Variants in FOCAD observed in about 807,000 individuals in gnomAD.
The protein encoded by FOCAD is KIAA1797.
A neutral mutation model predicts 225.6 loss-of-function variants in FOCAD; 198 were observed. The ratio of observed to expected loss-of-function variants is 0.88; its 90% CI spans 0.78 to 0.99. The LOEUF is 0.99. Among genes scored for constraint, FOCAD ranks in the 50% least tolerant of loss-of-function variants. FOCAD has a pLI of 0.00. For missense variants in FOCAD, 2,713 were observed against 2,123.6 expected, an observed-to-expected ratio of 1.28 and a Z score of -5.46; for synonymous variants, 897 against 755.0, an observed-to-expected ratio of 1.19 and a Z score of -3.08.
At chr9:20,670,447 T>C (rs1822027834) in intron 2 of FOCAD, among the ~76,000 whole-genome samples, 2 of 152,312 alleles carry the variant, frequency 1.3e-5, no homozygotes, top group South Asian at 2.1e-4. Context: ...TCAGGAAATT[T>C]ACAATCATAG....
At position 20,758,258 on chromosome 9, in the gene FOCAD, A is replaced by G. The variant is rs562248265; in HGVS notation, c.494+67A>G. The G allele has an allele frequency of 8.4e-4, 973 of 1,160,088 alleles. 4 individuals are homozygous for G. The highest frequency in any genetic ancestry group is 2.2e-4 in the Non-Finnish European group (178 of 827,428). The allele number at this position is 1,160,088 out of a possible 1,614,324, so 71.9% of individuals were successfully genotyped here. ...AATGGTATATGCTAATTTTAGAGCTAGGGTTTTTTTTTGTTTGTTTGTTTC... is the reference window on the plus strand; with the variant it reads ...AATGGTATATGCTAATTTTAGAGCTGGGGTTTTTTTTTGTTTGTTTGTTTC... On this transcript the variant is annotated intron_variant, in intron 6 of 43. Transcript: ENST00000338382.
At chr9:20,714,001 T>C (rs547163217) in intron 1 of FOCAD, among the ~76,000 whole-genome samples, 1 of 152,280 alleles carries the variant, frequency 6.6e-6, no homozygotes, top group Admixed American at 6.5e-5. Context: ...GGGAGGAAAG[T>C]TGGACATAGA....
chr9:20,742,150 C>G (rs1311541123), intron 5 of FOCAD, among the ~76,000 whole-genome samples: 1 of 152,130 alleles, frequency 6.6e-6, no homozygotes. Flanking sequence ...ATTTTTAGTT[C>G]AATGCTTCCC....
At chr9:20,840,655 ATAAGATTATAT>A (rs1003601076) in intron 15 of FOCAD, among the ~76,000 whole-genome samples, 3 of 150,478 alleles carry the variant, frequency 2.0e-5, no homozygotes, top group Non-Finnish European at 4.4e-5. Context: ...TTTTTCCAAT[ATAAGATTATAT>A]CAACTGCAAA....
At chr9:20,963,436 G>C (rs1183219493) in intron 35 of FOCAD, among the ~76,000 whole-genome samples, 1 of 152,164 alleles carries the variant, frequency 6.6e-6, no homozygotes, top group Admixed American at 6.5e-5. Context: ...TGGACGCCTT[G>C]CCTGTTTCCC....
chr9:20,869,260 G>A (rs1829555526), intron 18 of FOCAD, among the ~76,000 whole-genome samples: 1 of 152,104 alleles, frequency 6.6e-6, no homozygotes, highest in South Asian at 2.1e-4. Flanking sequence ...TCCAGTGAAA[G>A]TGTGTCCATA....
At chr9:20,957,794 A>G (rs1466823333) in intron 35 of FOCAD, among the ~76,000 whole-genome samples, 1 of 143,352 alleles carries the variant, frequency 7.0e-6, no homozygotes, top group Non-Finnish European at 1.5e-5. Flanking sequence ...GATTACAGGT[A>G]TGCACCACCA....
At chr9:20,865,839 A>C in intron 16 of FOCAD, 87 bp from the exon 17 acceptor site, 1 of 886,202 alleles carries the variant, frequency 1.1e-6, no homozygotes, top group South Asian at 1.7e-5. Context: ...AAAGTGACTT[A>C]ATTTTCATTA....
chr9:20,913,147 C>CACACAA (rs1477425109), intron 23 of FOCAD, among the ~76,000 whole-genome samples, 193 bp downstream of exon 23: 1 of 40,440 alleles, frequency 2.5e-5, no homozygotes, highest in East Asian at 3.6e-4. Flanking sequence ...ATTATACATA[C>CACACAA]ACACACACAC....
intron 35 of FOCAD, among the ~76,000 whole-genome samples, chr9:20,963,487 C>G (rs1023067207): frequency 2.0e-5 from 3 of 152,152 alleles, no homozygotes; most frequent in Admixed American, 2.0e-4. Context: ...AGTGGATTCT[C>G]TCAAAGTGCC....
chr9:20,834,240 G>A (rs2131520585), intron 15 of FOCAD, among the ~76,000 whole-genome samples: 1 of 151,940 alleles, frequency 6.6e-6, no homozygotes, highest in East Asian at 1.9e-4. Context: ...ATAAGTGGGA[G>A]CTGAACGATG....
chr9:20,960,465 A>C (rs1311180439), intron 35 of FOCAD, among the ~76,000 whole-genome samples: 1 of 152,196 alleles, frequency 6.6e-6, no homozygotes, highest in African/African-American at 2.4e-5. Context: ...TTGAAATTTC[A>C]CAAATATTCT....
At chr9:20,911,210 G>A (rs1833410545) in intron 22 of FOCAD, among the ~76,000 whole-genome samples, 1 of 152,072 alleles carries the variant, frequency 6.6e-6, no homozygotes, top group Non-Finnish European at 1.5e-5. Context: ...GAAAGGGCCA[G>A]AATTCTATCT....
At chr9:20,692,761 C>G (rs547726964) in intron 1 of FOCAD, among the ~76,000 whole-genome samples, 1 of 152,104 alleles carries the variant, frequency 6.6e-6, no homozygotes, top group African/African-American at 2.4e-5. Flanking sequence ...CTTTTGAGGC[C>G]GGGACTTAGA....
upstream of FOCAD, among the ~76,000 whole-genome samples, chr9:20,657,203 C>G (rs1312093389): frequency 6.6e-6 from 1 of 150,832 alleles, no homozygotes; most frequent in South Asian, 2.1e-4. Context: ...CTCTGGCTGC[C>G]CTTAACATTT....
chr9:20,833,460 C>A (rs980259085), intron 15 of FOCAD, among the ~76,000 whole-genome samples: 2 of 152,028 alleles, frequency 1.3e-5, no homozygotes, highest in Non-Finnish European at 2.9e-5. Flanking sequence ...GATAAACATA[C>A]TAATATCTAC....
chr9:20,741,732 ATTC>A (rs1827634748), intron 5 of FOCAD, among the ~76,000 whole-genome samples: 1 of 49,756 alleles, frequency 2.0e-5, no homozygotes, highest in Admixed American at 2.9e-4. Flanking sequence ...GTAAGGGTTT[ATTC>A]TTTATCCATT....
chr9:20,959,069 A>G (rs1838462567), intron 35 of FOCAD, among the ~76,000 whole-genome samples: 1 of 152,106 alleles, frequency 6.6e-6, no homozygotes, highest in South Asian at 2.1e-4. Context: ...GGATTATTAG[A>G]TCATATTGTA....
At chr9:20,680,606 T>C (rs1464185603), upstream of FOCAD, among the ~76,000 whole-genome samples, 2 of 152,136 alleles carry the variant, frequency 1.3e-5, no homozygotes, top group Non-Finnish European at 2.9e-5. Context: ...AAGCAAGCTA[T>C]TCAATAGGTA....
Sources: allele counts gnomAD v4.1 joint callset (sites outside exome capture counted in the v4.1 genomes callset), GRCh38; gene constraint gnomAD v4.1.1; transcripts MANE v1.5; gene names NCBI Gene and HGNC (gene_info 2026-07-23, HGNC 2026-07-21).